KLF12: variants seen among roughly 807,000 people sequenced by gnomAD.
KLF12 encodes KLF transcription factor 12, also known as Krueppel-like factor 12.
In KLF12, 9 loss-of-function variants were observed where a neutral mutation model predicts 37.8. The ratio of observed to expected loss-of-function variants is 0.24; its 90% confidence interval spans 0.14 to 0.42. The LOEUF (loss-of-function observed/expected upper bound fraction) is 0.42. Ranked by LOEUF, KLF12 falls within the 10% of genes least tolerant of loss-of-function variation. The pLI, the probability that KLF12 is intolerant of heterozygous loss-of-function variation, is 1.00. For missense variants in KLF12, 411 were observed against 516.0 expected (o/e 0.80, Z 1.97); for synonymous variants, 208 against 202.1 (o/e 1.03, Z -0.25).
intron 3 of KLF12, among the ~76,000 whole-genome samples, chr13:73,893,555 T>C: frequency 6.6e-6 from 1 of 151,862 alleles, no homozygotes. Context: ...CTAATTTTTG[T>C]ATTTTTGGTA....
At chr13:74,146,506 T>G in the KLF12 span, among the ~76,000 whole-genome samples, 1 of 152,140 alleles carries the variant, frequency 6.6e-6, no homozygotes, top group Non-Finnish European at 1.5e-5. Context: ...AAAAACAGAT[T>G]AGGGATATTG....
intron 3 of KLF12, among the ~76,000 whole-genome samples, chr13:73,908,778 C>T (rs1888435863): frequency 1.3e-5 from 2 of 152,116 alleles, no homozygotes; most frequent in Admixed American, 1.3e-4. Flanking sequence ...CCGCGCCTGG[C>T]CGGTTTTCAT....
the KLF12 span, among the ~76,000 whole-genome samples, chr13:74,298,584 G>A: frequency 1.3e-5 from 2 of 152,016 alleles, no homozygotes; most frequent in Non-Finnish European, 2.9e-5. Flanking sequence ...TTAGGAGTAG[G>A]AAAAAAGAAG....
At chr13:73,721,761 C>G (rs1294011133) in intron 6 of KLF12, among the ~76,000 whole-genome samples, 1 of 151,458 alleles carries the variant, frequency 6.6e-6, no homozygotes, top group Non-Finnish European at 1.5e-5. Flanking sequence ...CTGTGTTGTC[C>G]TAGCCTGTCT....
chr13:73,754,571 C>G (rs1212014467), intron 6 of KLF12, among the ~76,000 whole-genome samples: 1 of 152,194 alleles, frequency 6.6e-6, no homozygotes, highest in African/African-American at 2.4e-5. Context: ...AACACATTCT[C>G]TATTAGCCAT....
intron 7 of KLF12, among the ~76,000 whole-genome samples, chr13:73,698,221 G>A (rs1437080130): frequency 2.0e-5 from 3 of 150,752 alleles, no homozygotes; most frequent in African/African-American, 7.3e-5. Context: ...GAGGGGAGGG[G>A]GAAAGAAAAG....
At chr13:73,925,886 G>A (rs1486201144) in intron 3 of KLF12, among the ~76,000 whole-genome samples, 1 of 152,216 alleles carries the variant, frequency 6.6e-6, no homozygotes, top group Non-Finnish European at 1.5e-5. Flanking sequence ...AACTGCAGAT[G>A]TGGTGGAAAT....
chr13:74,281,545 T>A, the KLF12 span, among the ~76,000 whole-genome samples: 1 of 152,234 alleles, frequency 6.6e-6, no homozygotes, highest in African/African-American at 2.4e-5. Context: ...TTAATTGCTT[T>A]CAACTATGTC....
intron 1 of KLF12, among the ~76,000 whole-genome samples, chr13:74,079,980 C>A (rs1378614610): frequency 6.6e-6 from 1 of 152,122 alleles, no homozygotes; most frequent in Non-Finnish European, 1.5e-5. Context: ...AAAAGTCCAT[C>A]AAAAGATGAA....
At chr13:74,171,772 A>T in the KLF12 span, among the ~76,000 whole-genome samples, 2 of 152,212 alleles carry the variant, frequency 1.3e-5, no homozygotes, top group South Asian at 4.1e-4. Flanking sequence ...CAAAATACAA[A>T]AAAACAAACA....
At chr13:73,874,324 G>A (rs1246210366) in intron 3 of KLF12, among the ~76,000 whole-genome samples, 2 of 151,508 alleles carry the variant, frequency 1.3e-5, no homozygotes, top group East Asian at 1.9e-4. Context: ...GGTAGGGAAG[G>A]TGGTGGTGAC....
chr13:74,120,681 A>C (rs1877576730), intron 1 of KLF12, among the ~76,000 whole-genome samples: 2 of 152,074 alleles, frequency 1.3e-5, no homozygotes, highest in South Asian at 4.1e-4. Flanking sequence ...TAAAGCAAAC[A>C]CAGTAGCCAG....
At chr13:74,094,102 A>C (rs933567041) in intron 1 of KLF12, among the ~76,000 whole-genome samples, 1 of 152,210 alleles carries the variant, frequency 6.6e-6, no homozygotes, top group African/African-American at 2.4e-5. Context: ...AGCTAGGACT[A>C]CAGGTGCCCA....
At chr13:74,290,737 C>T in the KLF12 span, among the ~76,000 whole-genome samples, 4 of 152,338 alleles carry the variant, frequency 2.6e-5, no homozygotes, top group South Asian at 8.3e-4. Context: ...TTTTCAGCTT[C>T]TGCACTTCAA....
chr13:74,108,358 A>T (rs998505404), intron 1 of KLF12, among the ~76,000 whole-genome samples: 1 of 152,124 alleles, frequency 6.6e-6, no homozygotes, highest in Admixed American at 6.5e-5. Flanking sequence ...AAAACTCTAA[A>T]TATGTTCATT....
the KLF12 span, among the ~76,000 whole-genome samples, chr13:74,180,040 A>G: frequency 6.6e-6 from 1 of 152,236 alleles, no homozygotes; most frequent in Non-Finnish European, 1.5e-5. Context: ...AGACGTCTTC[A>G]CTTATCATTT....
chr13:73,747,672 A>G lies in KLF12; in HGVS notation c.869+17266T>C, dbSNP rs1055514386. Among the ~76,000 whole-genome samples, 3 of 152,194 alleles carry G rather than the reference A, an allele frequency of 2.0e-5. No individual in the cohort carries two copies. In the East Asian group the frequency reaches 5.8e-4, roughly 29 times the overall value. On this transcript the variant is annotated intron_variant, in intron 6 of 7. Coordinates refer to ENST00000377669, the MANE Select transcript of KLF12 (RefSeq NM_007249.5). ...GTCCTTTGAGCTTTATATGTAATAT[A>G]GTGCATTTAATCCTCATGATAACCA... is the stretch of plus-strand genomic sequence containing the variant.
At chr13:73,887,909 CATA>C (rs201101871) in intron 3 of KLF12, among the ~76,000 whole-genome samples, 1,640 of 152,192 alleles carry the variant, frequency 0.011, 23 homozygotes, top group African/African-American at 0.037. Flanking sequence ...TGATTGAATA[CATA>C]ATAATATGAT....
chr13:73,773,872 T>A (rs540207033), intron 5 of KLF12, among the ~76,000 whole-genome samples: 1 of 152,230 alleles, frequency 6.6e-6, no homozygotes, highest in South Asian at 2.1e-4. Flanking sequence ...ACAGCCCCCC[T>A]TACCAGCCCC....
Sources: allele counts gnomAD v4.1 joint callset (sites outside exome capture counted in the v4.1 genomes callset), GRCh38; gene constraint gnomAD v4.1.1; transcripts MANE v1.5; gene names NCBI Gene and HGNC (gene_info 2026-07-23, HGNC 2026-07-21).